EYS: variants seen among roughly 807,000 people sequenced by gnomAD.
EYS encodes EGF-like photoreceptor maintenance factor.
A neutral mutation model predicts 282.1 loss-of-function variants in EYS; 250 were observed. The observed-to-expected ratio is 0.89, with a 90% CI of 0.80 to 0.98. The LOEUF is 0.98. Among genes scored for constraint, EYS ranks in the 50% least tolerant of loss-of-function variants. The pLI is 0.00. For missense variants in EYS, 4,016 were observed against 3,709.0 expected (o/e 1.08, Z -2.15); for synonymous variants, 1,355 against 1,282.9 (o/e 1.06, Z -1.20).
chr6:63,734,363 G>A (rs893153870), intron 41 of EYS, among the ~76,000 whole-genome samples: 2 of 152,126 alleles, frequency 1.3e-5, no homozygotes, highest in Non-Finnish European at 2.9e-5. Context: ...CATCAAGACT[G>A]TCTTATAAGA....
intron 26 of EYS, among the ~76,000 whole-genome samples, chr6:64,538,186 C>A (rs757380234): frequency 2.5e-4 from 38 of 152,114 alleles, no homozygotes; most frequent in Admixed American, 2.2e-3. Flanking sequence ...TCTAAGGGAA[C>A]CAAGGTTTTA....
intron 22 of EYS, among the ~76,000 whole-genome samples, chr6:64,690,360 A>G (rs72648312): frequency 0.12 from 17,806 of 152,170 alleles, 1,384 homozygotes; most frequent in East Asian, 0.29. Flanking sequence ...AGAAATTGGA[A>G]CGCTTTTACA....
intron 5 of EYS, among the ~76,000 whole-genome samples, chr6:65,457,351 G>T (rs1252033639): frequency 1.3e-5 from 2 of 151,870 alleles, no homozygotes; most frequent in African/African-American, 4.8e-5. Context: ...TTTCCGTAGA[G>T]ATGGGGTCTC....
At chr6:63,815,642 A>T (rs1771159440) in intron 36 of EYS, among the ~76,000 whole-genome samples, 1 of 152,188 alleles carries the variant, frequency 6.6e-6, no homozygotes, top group Non-Finnish European at 1.5e-5. Context: ...ACTGATATTC[A>T]GGATATACCA....
At chr6:65,645,861 C>G (rs1351900919) in intron 1 of EYS, among the ~76,000 whole-genome samples, 1 of 151,940 alleles carries the variant, frequency 6.6e-6, no homozygotes, top group African/African-American at 2.4e-5. Context: ...ATTGATACCA[C>G]AGAAATACAA....
intron 2 of EYS, among the ~76,000 whole-genome samples, chr6:65,592,587 G>A (rs1765267741): frequency 6.6e-6 from 1 of 151,876 alleles, no homozygotes; most frequent in Non-Finnish European, 1.5e-5. Flanking sequence ...ACCACCCAGA[G>A]GGGTAAACGC....
At chr6:64,383,045 T>C (rs915716087) in intron 29 of EYS, among the ~76,000 whole-genome samples, 5 of 152,094 alleles carry the variant, frequency 3.3e-5, no homozygotes, top group Admixed American at 1.3e-4. Flanking sequence ...CCTAGCTATT[T>C]GGGAGGCTAA....
At chr6:64,870,699 A>G (rs963938321) in intron 19 of EYS, among the ~76,000 whole-genome samples, 2 of 151,812 alleles carry the variant, frequency 1.3e-5, no homozygotes, top group African/African-American at 4.8e-5. Context: ...AATGTAAAGA[A>G]ACTATATGAA....
chr6:64,576,373 T>C (rs918781681), intron 26 of EYS, among the ~76,000 whole-genome samples: 1 of 152,124 alleles, frequency 6.6e-6, no homozygotes, highest in Non-Finnish European at 1.5e-5. Flanking sequence ...TTTAGAACGT[T>C]AAAGAAGTGA....
At chr6:65,466,127 A>G (rs1764990624) in intron 5 of EYS, among the ~76,000 whole-genome samples, 1 of 152,204 alleles carries the variant, frequency 6.6e-6, no homozygotes, top group Non-Finnish European at 1.5e-5. Context: ...TAGTGTAACA[A>G]GTTTTAATAA....
At chr6:65,585,679 A>G (rs1025777000) in intron 2 of EYS, among the ~76,000 whole-genome samples, 1 of 151,926 alleles carries the variant, frequency 6.6e-6, no homozygotes, top group African/African-American at 2.4e-5. Flanking sequence ...CCAAATATTA[A>G]GGTTGTCTGG....
At chr6:64,992,141 A>T (rs1771086015) in intron 14 of EYS, among the ~76,000 whole-genome samples, 2 of 152,036 alleles carry the variant, frequency 1.3e-5, no homozygotes, top group South Asian at 4.1e-4. Flanking sequence ...TATGGAAGAA[A>T]CTGATAAACA....
chr6:64,038,001 C>G lies in EYS; in HGVS notation c.6725+28337G>C, dbSNP rs531046717. ...AAATTGAATAAACATCCAAAATGAA[C>G]TAAAACATATTTTAGATCAAATTGA... On this transcript the variant is annotated intron_variant, in intron 33 of 42. Transcript: ENST00000503581. 3.3e-5 allele frequency among the ~76,000 whole-genome samples: 5 copies of G among 152,244 alleles called. No individual in the cohort carries two copies. The South Asian group carries it at 1.0e-3, about 32-fold the overall frequency.
chr6:65,330,458 T>C, intron 11 of EYS: 2 of 984,298 alleles, frequency 2.0e-6, no homozygotes, highest in Non-Finnish European at 2.4e-6. Flanking sequence ...TAAGTAACAA[T>C]ATGGCTGGTA....
intron 2 of EYS, among the ~76,000 whole-genome samples, chr6:65,511,364 TGTGA>T (rs968376639): frequency 3.4e-5 from 5 of 146,380 alleles, no homozygotes; most frequent in South Asian, 2.1e-4. Context: ...TGTGTGTGTG[TGTGA>T]GAGAGAGAGA....
intron 13 of EYS, among the ~76,000 whole-genome samples, chr6:65,029,230 T>A: frequency 6.6e-6 from 1 of 152,166 alleles, no homozygotes; most frequent in East Asian, 1.9e-4. Flanking sequence ...TAGAGAATGA[T>A]ATTAAGAAAT....
At chr6:64,414,391 G>C (rs1460859279) in intron 28 of EYS, among the ~76,000 whole-genome samples, 1 of 152,056 alleles carries the variant, frequency 6.6e-6, no homozygotes, top group Non-Finnish European at 1.5e-5. Context: ...ACATAAAGAT[G>C]TGGCAAGATT....
chr6:64,838,651 C>T (rs891909325), intron 19 of EYS, among the ~76,000 whole-genome samples: 19 of 151,802 alleles, frequency 1.3e-4, no homozygotes, highest in South Asian at 2.1e-4. Flanking sequence ...CACGCATGCA[C>T]GCACACACAG....
chr6:64,931,542 A>G (rs1207067810), intron 15 of EYS, among the ~76,000 whole-genome samples: 2 of 152,110 alleles, frequency 1.3e-5, no homozygotes, highest in Non-Finnish European at 2.9e-5. Context: ...ATAAATATAT[A>G]AAATGGAATT....
Sources: gnomAD v4.1 joint callset for allele counts (sites outside exome capture counted in the v4.1 genomes callset) on GRCh38, gnomAD v4.1.1 for gene constraint, MANE v1.5 for transcripts, NCBI Gene and HGNC (gene_info 2026-07-23, HGNC 2026-07-21) for gene names.